Variants in WDPCP observed in about 807,000 individuals in gnomAD.
WDPCP encodes the protein WD repeat containing planar cell polarity effector, also known as WD repeat-containing and planar cell polarity effector protein fritz homolog.
Under a neutral mutation model 93.1 loss-of-function variants are expected in WDPCP, and 71 were observed. The observed-to-expected ratio is 0.76, with a 90% CI of 0.63 to 0.93. The LOEUF is 0.93. Among genes scored for constraint, WDPCP ranks in the 40% least tolerant of loss-of-function variants. The pLI is 0.00. For missense variants in WDPCP, 844 were observed against 887.4 expected (o/e 0.95, Z 0.62); for synonymous variants, 315 against 315.0 (o/e 1.00, Z 0.00).
intron 17 of WDPCP, among the ~76,000 whole-genome samples, chr2:63,148,318 C>T (rs969426202): frequency 1.2e-4 from 18 of 151,988 alleles, no homozygotes; most frequent in African/African-American, 4.3e-4. Flanking sequence ...CAGAATGAGA[C>T]ACTGTATCAA....
chr2:63,215,579 A>G (rs1188880967), intron 14 of WDPCP, among the ~76,000 whole-genome samples: 1 of 152,258 alleles, frequency 6.6e-6, no homozygotes, highest in African/African-American at 2.4e-5. Context: ...TTAAAGACTT[A>G]AATGTTAGAC....
chr2:63,626,719 C>T (rs1473668119), intron 3 of WDPCP, among the ~76,000 whole-genome samples: 1 of 152,166 alleles, frequency 6.6e-6, no homozygotes, highest in Non-Finnish European at 1.5e-5. Flanking sequence ...CGATTTTACA[C>T]TGTTGGTGGG....
chr2:63,632,835 C>G (rs535872951), intron 3 of WDPCP, among the ~76,000 whole-genome samples: 2 of 152,096 alleles, frequency 1.3e-5, no homozygotes, highest in African/African-American at 4.8e-5. Context: ...GAAAACTTCC[C>G]AAGTCTGGGG....
intron 12 of WDPCP, among the ~76,000 whole-genome samples, chr2:63,326,929 C>A (rs1687602775): frequency 6.6e-6 from 1 of 152,178 alleles, no homozygotes; most frequent in Non-Finnish European, 1.5e-5. Flanking sequence ...AACAACACTC[C>A]AATACCACCT....
intron 6 of WDPCP, among the ~76,000 whole-genome samples, chr2:63,452,336 T>G (rs1698311705): frequency 6.6e-6 from 1 of 152,164 alleles, no homozygotes; most frequent in Non-Finnish European, 1.5e-5. Context: ...CGAACTCCCA[T>G]TCACAATTGC....
At chr2:63,542,816 A>T (rs1355694851) in intron 1 of WDPCP, among the ~76,000 whole-genome samples, 1 of 152,194 alleles carries the variant, frequency 6.6e-6, no homozygotes, top group Non-Finnish European at 1.5e-5. Flanking sequence ...GAGTCTGTGC[A>T]CATATACATC....
intron 9 of WDPCP, among the ~76,000 whole-genome samples, chr2:63,418,617 A>AT (rs1260051765): frequency 1.3e-5 from 2 of 152,106 alleles, no homozygotes; most frequent in African/African-American, 2.4e-5. Flanking sequence ...CATGTTGGGG[A>AT]TTTCAGGAAC....
chr2:63,614,178 T>C (rs1014946133), intron 3 of WDPCP, among the ~76,000 whole-genome samples: 3 of 152,136 alleles, frequency 2.0e-5, no homozygotes, highest in Non-Finnish European at 4.4e-5. Flanking sequence ...CCCCTCAAAA[T>C]TGCCCACATC....
chr2:63,125,936 CT>C (rs757992440), intron 17 of WDPCP, among the ~76,000 whole-genome samples: 2,140 of 123,082 alleles, frequency 0.017, 23 homozygotes, highest in African/African-American at 0.046. Flanking sequence ...TTTACACAAG[CT>C]TTTTTTTTTT....
intron 9 of WDPCP, among the ~76,000 whole-genome samples, chr2:63,413,666 C>T (rs192308159): frequency 3.9e-4 from 59 of 152,054 alleles, no homozygotes; most frequent in Admixed American, 3.1e-3. Context: ...GGTGTGGTGG[C>T]GGGAGCCTGT....
intron 2 of WDPCP, among the ~76,000 whole-genome samples, chr2:63,703,883 C>T (rs1669104043): frequency 6.6e-6 from 1 of 152,242 alleles, no homozygotes; most frequent in East Asian, 1.9e-4. Context: ...CTATAAATTA[C>T]CTTGGGCAGT....
At chr2:63,830,067 T>C (rs1025938806), upstream of WDPCP, among the ~76,000 whole-genome samples, 1 of 152,132 alleles carries the variant, frequency 6.6e-6, no homozygotes, top group Non-Finnish European at 1.5e-5. Flanking sequence ...TTACTAAAGA[T>C]TCTATTTCTT....
At chr2:63,308,165 T>G (rs1024932495) in intron 13 of WDPCP, among the ~76,000 whole-genome samples, 1 of 152,180 alleles carries the variant, frequency 6.6e-6, no homozygotes, top group Non-Finnish European at 1.5e-5. Flanking sequence ...CACTGGTCAT[T>G]AGAGAAATGC....
intron 12 of WDPCP, among the ~76,000 whole-genome samples, chr2:63,313,886 A>ATGTGTGTGTGTATATATATATATTTTTTT: frequency 9.4e-5 from 7 of 74,472 alleles, no homozygotes; most frequent in Admixed American, 3.3e-4. Flanking sequence ...ATATATATAT[A>ATGTGTGTGTGTATATATATATATTTTTTT]TTTTTTTTTT....
intron 1 of WDPCP, among the ~76,000 whole-genome samples, chr2:63,505,988 G>C (rs543636840): frequency 6.6e-6 from 1 of 152,168 alleles, no homozygotes; most frequent in African/African-American, 2.4e-5. Context: ...GTACAAAGAA[G>C]AGAGTTAAAA....
chr2:63,168,498 G>A (rs1673157485), intron 15 of WDPCP: 1 of 152,120 alleles, frequency 6.6e-6, no homozygotes. Context: ...GGTGAGGTGA[G>A]TCCATTTACA....
chr2:63,466,708 G>A (rs1037084659), intron 6 of WDPCP, among the ~76,000 whole-genome samples: 16 of 152,092 alleles, frequency 1.1e-4, no homozygotes, highest in South Asian at 4.1e-4. Flanking sequence ...TAAAAGACAC[G>A]TGAAAAACAA....
intron 2 of WDPCP, among the ~76,000 whole-genome samples, chr2:63,713,393 C>T (rs1669290485): frequency 6.6e-6 from 1 of 152,182 alleles, no homozygotes; most frequent in Admixed American, 6.5e-5. Flanking sequence ...CTCCTACAAC[C>T]TTTCATTGGC....
chr2:63,798,862 G>C (rs1670650444), intron 2 of WDPCP, among the ~76,000 whole-genome samples: 1 of 152,034 alleles, frequency 6.6e-6, no homozygotes, highest in Non-Finnish European at 1.5e-5. Context: ...CACAGAGGCT[G>C]AAAATAAAGG....
Sources: gnomAD v4.1 joint callset for allele counts (sites outside exome capture counted in the v4.1 genomes callset) on GRCh38, gnomAD v4.1.1 for gene constraint, MANE v1.5 for transcripts, NCBI Gene and HGNC (gene_info 2026-07-23, HGNC 2026-07-21) for gene names.